Variants in NRXN1 observed in about 807,000 individuals in gnomAD.
NRXN1 encodes the protein neurexin-1.
In NRXN1, 39 loss-of-function variants were observed where a neutral mutation model predicts 150.9. That is an observed-to-expected ratio of 0.26 (90% confidence interval 0.20 to 0.34). The LOEUF (loss-of-function observed/expected upper bound fraction) is 0.34, where lower values mean the gene tolerates loss of function less well. Among genes scored for constraint, NRXN1 ranks in the 10% least tolerant of loss-of-function variants. The pLI is 1.00. For synonymous variants in NRXN1, 924 were observed against 757.0 expected (o/e 1.22, Z -3.62); for missense variants, 1,815 against 1,949.9 (o/e 0.93, Z 1.30).
intron 8 of NRXN1, among the ~76,000 whole-genome samples, chr2:50,616,650 G>A (rs992367862): frequency 6.6e-6 from 1 of 152,004 alleles, no homozygotes; most frequent in African/African-American, 2.4e-5. Context: ...TATTACTCTT[G>A]GTCAAGTAAC....
At chr2:50,677,067 T>C (rs148319363) in intron 5 of NRXN1, among the ~76,000 whole-genome samples, 2,156 of 152,246 alleles carry the variant, frequency 0.014, 49 homozygotes, top group African/African-American at 0.049. Context: ...GCCAAGTAAG[T>C]ATGAACTATA....
chr2:50,769,725 A>G (rs1702783506), intron 5 of NRXN1, among the ~76,000 whole-genome samples: 4 of 152,092 alleles, frequency 2.6e-5, no homozygotes. Context: ...GAAAATTTAT[A>G]CTTTCATAAA....
intron 8 of NRXN1, among the ~76,000 whole-genome samples, chr2:50,585,372 GAGA>G (rs779424844): frequency 6.6e-6 from 1 of 152,134 alleles, no homozygotes; most frequent in Non-Finnish European, 1.5e-5. Context: ...GGGCTTGTGG[GAGA>G]AGAATATGTG....
intron 17 of NRXN1, among the ~76,000 whole-genome samples, chr2:50,241,839 G>A (rs1270202171): frequency 1.3e-5 from 2 of 151,580 alleles, no homozygotes; most frequent in African/African-American, 4.8e-5. Context: ...TCAGCCTCAC[G>A]TCAATTCTGC....
At chr2:50,556,009 A>G (rs1668191180) in intron 8 of NRXN1, among the ~76,000 whole-genome samples, 1 of 152,150 alleles carries the variant, frequency 6.6e-6, no homozygotes, top group African/African-American at 2.4e-5. Context: ...CTCCAGATAC[A>G]AGAACTCTTT....
chr2:50,853,865 A>G (rs560105379), intron 5 of NRXN1, among the ~76,000 whole-genome samples: 7 of 152,236 alleles, frequency 4.6e-5, no homozygotes, highest in African/African-American at 1.2e-4. Context: ...TTAAAGAGAA[A>G]ACAGTACAGG....
At chr2:50,893,671 T>A (rs561656177) in intron 5 of NRXN1, among the ~76,000 whole-genome samples, 1 of 152,340 alleles carries the variant, frequency 6.6e-6, no homozygotes, top group African/African-American at 2.4e-5. Flanking sequence ...ATAATTATAG[T>A]AATGTACAGT....
At chr2:50,613,269 T>C (rs1052921113) in intron 8 of NRXN1, among the ~76,000 whole-genome samples, 1 of 152,178 alleles carries the variant, frequency 6.6e-6, no homozygotes, top group African/African-American at 2.4e-5. Context: ...CCTCTAGGAA[T>C]ACAGCACAGA....
chr2:50,742,607 C>CA (rs376431319), intron 5 of NRXN1, among the ~76,000 whole-genome samples: 11,560 of 69,342 alleles, frequency 0.17, 650 homozygotes, highest in Middle Eastern at 0.26. Context: ...GACTCCGTCT[C>CA]AAAAAAAAAA....
At chr2:50,389,204 T>C (rs113602380) in intron 17 of NRXN1, among the ~76,000 whole-genome samples, 13,877 of 150,506 alleles carry the variant, frequency 0.092, 852 homozygotes, top group Non-Finnish European at 0.13. Flanking sequence ...AAAGTAAATA[T>C]GTGTGCAAGC....
intron 18 of NRXN1, among the ~76,000 whole-genome samples, chr2:50,094,366 T>C (rs899055886): frequency 6.6e-6 from 1 of 152,188 alleles, no homozygotes; most frequent in African/African-American, 2.4e-5. Flanking sequence ...AAGAGGATTT[T>C]TGGAGACAGT....
At chr2:50,351,193 G>T (rs2078386025) in intron 17 of NRXN1, among the ~76,000 whole-genome samples, 1 of 152,158 alleles carries the variant, frequency 6.6e-6, no homozygotes, top group Non-Finnish European at 1.5e-5. Flanking sequence ...GGTGATTGAA[G>T]AACTGGTTGG....
intron 17 of NRXN1, among the ~76,000 whole-genome samples, chr2:50,251,094 T>C (rs970217510): frequency 5.3e-5 from 8 of 151,826 alleles, no homozygotes; most frequent in African/African-American, 1.7e-4. Context: ...ATTACATATG[T>C]AATACAATAT....
chr2:50,329,674 T>TATATATATA (rs1491185055), intron 17 of NRXN1, among the ~76,000 whole-genome samples: 1 of 11,406 alleles, frequency 8.8e-5, no homozygotes, highest in Non-Finnish European at 1.3e-4. Flanking sequence ...TATATATATA[T>TATATATATA]TTTTTTTTTT....
At chr2:50,020,385 G>A (rs1229543558) in intron 21 of NRXN1, among the ~76,000 whole-genome samples, 3 of 152,172 alleles carry the variant, frequency 2.0e-5, no homozygotes, top group African/African-American at 7.2e-5. Flanking sequence ...ACTGTATACT[G>A]AAAGTGAGCT....
intron 5 of NRXN1, among the ~76,000 whole-genome samples, chr2:50,675,035 A>C (rs530648257): frequency 6.6e-6 from 1 of 151,602 alleles, no homozygotes; most frequent in Non-Finnish European, 1.5e-5. Flanking sequence ...AAAGAGCCCG[A>C]CACCTCTTCC....
intron 5 of NRXN1, among the ~76,000 whole-genome samples, chr2:50,886,617 T>C (rs1189552265): frequency 1.3e-5 from 2 of 151,406 alleles, no homozygotes; most frequent in East Asian, 3.9e-4. Context: ...ACAAATTCTA[T>C]TATTAAAGTC....
At chr2:50,503,566 A>G (rs1010618650) in intron 13 of NRXN1, among the ~76,000 whole-genome samples, 2 of 34,738 alleles carry the variant, frequency 5.8e-5, no homozygotes, top group Non-Finnish European at 1.2e-4. Flanking sequence ...AAAGAAAGAA[A>G]AATTAAAAAA....
At chr2:50,859,840 G>T (rs1285715018) in intron 5 of NRXN1, among the ~76,000 whole-genome samples, 2 of 26,032 alleles carry the variant, frequency 7.7e-5, no homozygotes, top group South Asian at 7.7e-4. Flanking sequence ...AATTATGTTT[G>T]TGTGTGTGTG....
Sources: gnomAD v4.1 joint callset for allele counts (sites outside exome capture counted in the v4.1 genomes callset) on GRCh38, gnomAD v4.1.1 for gene constraint, MANE v1.5 for transcripts, NCBI Gene and HGNC (gene_info 2026-07-23, HGNC 2026-07-21) for gene names.